The following CFAP47 variants were observed in gnomAD, a reference collection of about 807,000 sequenced individuals.
The protein encoded by CFAP47 is cilia- and flagella-associated protein 47.
CFAP47 carries 29 observed loss-of-function variants against 148.1 expected under a neutral mutation model. The observed-to-expected ratio is 0.20, with a 90% confidence interval of 0.15 to 0.27. The LOEUF (loss-of-function observed/expected upper bound fraction) is 0.27. CFAP47 is among the 10% of genes least tolerant of loss of function. CFAP47 has a pLI of 1.00. For missense variants in CFAP47, 1,872 were observed against 1,697.5 expected (o/e 1.10, Z -1.81); for synonymous variants, 664 against 577.3 (o/e 1.15, Z -2.15).
At chrX:36,331,113 CT>C (rs201805121) in intron 57 of CFAP47, among the ~76,000 whole-genome samples, 1,255 of 111,775 alleles carry the variant, frequency 0.011, 11 homozygotes, top group African/African-American at 0.033. Flanking sequence ...ATCCTGTCAA[CT>C]TTACTGAAAT....
chrX:36,000,106 C>A (rs900107264), intron 19 of CFAP47, among the ~76,000 whole-genome samples, 177 bp from the exon 20 acceptor site: 1 of 110,704 alleles, frequency 9.0e-6, no homozygotes, highest in Non-Finnish European at 1.9e-5. Context: ...GATTTATTAA[C>A]TTATTACATG....
rs1936584696 is a variant in CFAP47 at position 35,977,289 on chromosome X, G to A, written c.2713+1376G>A. 7.1e-5 allele frequency among the ~76,000 whole-genome samples: 8 copies of A among 111,986 alleles called. No homozygotes were observed. In the South Asian group the frequency reaches 3.0e-3, roughly 42 times the overall value. On this transcript the variant is annotated intron_variant, in intron 15 of 63. Transcript: ENST00000378653. ...TAAGCAAAGTACTCTGTGAATACAA[G>A]TTTCCTCATCTGTAAAATGGAGAGA...
intron 57 of CFAP47, among the ~76,000 whole-genome samples, chrX:36,327,841 G>C (rs781800952): frequency 8.9e-6 from 1 of 111,749 alleles, no homozygotes; most frequent in East Asian, 2.8e-4. Context: ...ATAATCCTAA[G>C]TAAGTTAATG....
intron 62 of CFAP47, among the ~76,000 whole-genome samples, chrX:36,371,710 A>ATGTGTGTATATACACACATGTGTATATG (rs1941948247): frequency 3.2e-5 from 2 of 62,885 alleles, no homozygotes; most frequent in Non-Finnish European, 5.6e-5. Flanking sequence ...ATGTGTATAT[A>ATGTGTGTATATACACACATGTGTATATG]TGTGTGTATA....
At chrX:36,229,805 C>T (rs1433734054) in intron 46 of CFAP47, among the ~76,000 whole-genome samples, 4 of 95,463 alleles carry the variant, frequency 4.2e-5, no homozygotes, top group African/African-American at 1.5e-4. Context: ...GTTCCCCTTC[C>T]TTTGTCCATG....
chrX:35,941,685 G>C (rs972949975), intron 3 of CFAP47, among the ~76,000 whole-genome samples: 12 of 111,434 alleles, frequency 1.1e-4, no homozygotes, highest in African/African-American at 3.9e-4. Context: ...TTCAGAGACA[G>C]AATTAGAGCA....
chrX:36,302,794 T>C (rs1161737256), intron 53 of CFAP47, among the ~76,000 whole-genome samples: 2 of 112,064 alleles, frequency 1.8e-5, no homozygotes, highest in African/African-American at 6.5e-5. Context: ...ACTTCGTGCA[T>C]TTATTACTCT....
chrX:36,256,748 A>G (rs1555999044), intron 49 of CFAP47, among the ~76,000 whole-genome samples: 1 of 112,152 alleles, frequency 8.9e-6, no homozygotes, highest in Non-Finnish European at 1.9e-5. Flanking sequence ...TTGGTGATCC[A>G]AAAATATGTG....
At chrX:36,089,074 T>G (rs947158530) in intron 30 of CFAP47, among the ~76,000 whole-genome samples, 4 of 112,122 alleles carry the variant, frequency 3.6e-5, no homozygotes, top group Admixed American at 9.5e-5. Context: ...TCCTTAAAAA[T>G]TTTATATCCT....
chrX:35,980,338 A>G (rs770188171), intron 15 of CFAP47, among the ~76,000 whole-genome samples: 131 of 112,078 alleles, frequency 1.2e-3, no homozygotes, highest in Non-Finnish European at 1.8e-3. Context: ...ACCTGTCAAT[A>G]TGGATGTATA....
At chrX:36,042,230 A>T (rs1475740686) in intron 25 of CFAP47, among the ~76,000 whole-genome samples, 1 of 111,844 alleles carries the variant, frequency 8.9e-6, no homozygotes, top group East Asian at 2.8e-4. Flanking sequence ...TTACCTTTTA[A>T]CAAGAGAAAA....
chrX:36,308,447 T>C (rs7885721), intron 55 of CFAP47, among the ~76,000 whole-genome samples: 684 of 111,756 alleles, frequency 6.1e-3, no homozygotes, highest in African/African-American at 0.021. Flanking sequence ...CATTGAATCA[T>C]TTAGTTCTTC....
At chrX:35,970,677 C>G (rs1936475588) in intron 10 of CFAP47, 91 bp from the exon 11 acceptor site, 1 of 640,645 alleles carries the variant, frequency 1.6e-6, no homozygotes, top group South Asian at 3.6e-5. Flanking sequence ...CATCCAACAC[C>G]TGATATAGAA....
intron 8 of CFAP47, among the ~76,000 whole-genome samples, chrX:35,956,864 G>A (rs757843573): frequency 1.8e-5 from 2 of 111,173 alleles, no homozygotes; most frequent in Middle Eastern, 4.7e-3. Context: ...TAGTGTTTTT[G>A]GAATATAGCC....
chrX:36,117,250 C>T (rs6632492), intron 33 of CFAP47, among the ~76,000 whole-genome samples: 29,876 of 110,243 alleles, frequency 0.27, 5,502 homozygotes, highest in African/African-American at 0.66. Context: ...ATTGGTTTTC[C>T]TTGTTTTGGG....
In CFAP47 at chrX:36,145,342, G is replaced by A. The variant is rs1939218513; in HGVS notation, c.5659G>A (p.Val1887Met). Reference sequence around the variant, plus strand: ...CTTTGAATGTACTCTACATGACACGGTGCTGAATAAGGTAAGGATAATTTT... The same window carrying A: ...CTTTGAATGTACTCTACATGACACGATGCTGAATAAGGTAAGGATAATTTT... ...VSFECTLHDT[V>M]LNKILLKNSS... Residue 1887 changes from valine (V) to methionine (M), a missense_variant, in exon 36 of 64, where the codon GTG becomes ATG. Transcript: ENST00000378653. 3.4e-6 allele frequency: 1 copy of A among 294,937 alleles called. No individual in the cohort carries two copies. The highest frequency in any genetic ancestry group is 2.8e-5 in the African/African-American group (1 of 36,146). The allele number at this position is 294,937 out of a possible 1,213,427, so 24.3% of individuals were successfully genotyped here.
At chrX:36,075,389 G>A (rs1401118445) in intron 29 of CFAP47, among the ~76,000 whole-genome samples, 1 of 109,870 alleles carries the variant, frequency 9.1e-6, no homozygotes, top group Non-Finnish European at 1.9e-5. Flanking sequence ...CACCATGCCT[G>A]GCTAATTTTT....
intron 15 of CFAP47, among the ~76,000 whole-genome samples, chrX:35,986,316 TTTTC>T (rs1278367245): frequency 1.8e-5 from 2 of 109,838 alleles, no homozygotes; most frequent in African/African-American, 6.6e-5. Flanking sequence ...TTTCATTCTT[TTTTC>T]TCTAATCTTG....
intron 45 of CFAP47, among the ~76,000 whole-genome samples, chrX:36,222,024 G>T (rs1940217923): frequency 9.0e-6 from 1 of 111,519 alleles, no homozygotes. Flanking sequence ...GGCCATCCTT[G>T]CCATTTACAT....
Sources: gnomAD v4.1 joint callset for allele counts (sites outside exome capture counted in the v4.1 genomes callset) on GRCh38, gnomAD v4.1.1 for gene constraint, MANE v1.5 for transcripts, NCBI Gene and HGNC (gene_info 2026-07-23, HGNC 2026-07-21) for gene names.